The following ZSWIM8 variants were observed in gnomAD, a reference collection of about 807,000 sequenced individuals.
The protein encoded by ZSWIM8 is zinc finger SWIM domain-containing protein 8.
In ZSWIM8, 27 loss-of-function variants were observed where a neutral mutation model predicts 173.7. The observed-to-expected ratio is 0.16, with a 90% CI of 0.11 to 0.21. The LOEUF is 0.21. Ranked by LOEUF, ZSWIM8 falls within the 10% of genes least tolerant of loss-of-function variation. The pLI, the probability that ZSWIM8 is intolerant of heterozygous loss-of-function variation, is 1.00. For synonymous variants in ZSWIM8, 958 were observed against 962.0 expected, an observed-to-expected ratio of 1.00 and a Z score of 0.08; for missense variants, 1,627 against 2,428.8, an observed-to-expected ratio of 0.67 and a Z score of 6.94.
Position 73,791,243 on chromosome 10 carries a change from C to T in ZSWIM8, c.1143+67C>T. On this transcript the variant is annotated intron_variant, in intron 8 of 25. Transcript: ENST00000604729. The surrounding 1 kb of genome is among the most constrained non-coding windows in gnomAD (Gnocchi z 6.0). ...TTCCCTCCCCCTGCCTCATCCTCCTCTTGCTGAAATGGACTCTGGGAGGGC... is the reference window on the plus strand; with the variant it reads ...TTCCCTCCCCCTGCCTCATCCTCCTTTTGCTGAAATGGACTCTGGGAGGGC... 1 of 1,569,492 alleles carries T rather than the reference C, an allele frequency of 6.4e-7. No homozygotes were observed.
Position 73,792,250 on chromosome 10 carries a change from G to A in ZSWIM8, c.1711G>A (p.Gly571Arg), listed in dbSNP as rs2083443105. ...RGPRRLSAEG[G>R]DKALHKMGPG... is the part of the protein sequence containing the mutation. ...TCCCCGCCGCCTCTCAGCTGAAGGG[G>A]GAGATAAAGCTCTACATAAGATGGG... Residue 571 changes from glycine to arginine, a missense_variant, in exon 10 of 26, where the codon GGA becomes AGA. Around this residue, in one of 18 missense-constraint regions of ZSWIM8, gnomAD observed 383 missense variants for 394.8 expected, o/e 0.97. Transcript: ENST00000604729. This position sits in a 1 kb window ranked among gnomAD's most constrained non-coding sequence, Gnocchi z 4.3. 10 of 1,575,454 alleles carry A rather than the reference G, an allele frequency of 6.3e-6. No individual in the cohort carries two copies. Among genetic ancestry groups the A allele is most frequent in the African/African-American group, 1.4e-5 (1 of 73,760 alleles).
chr10:73,799,385 G>A lies in ZSWIM8; in HGVS notation c.4560G>A (p.Leu1520=). 6.2e-7 allele frequency: 1 copy of A among 1,611,904 alleles called. No homozygotes were observed. Residue 1520 remains leucine, a synonymous_variant, in exon 21 of 26, where the codon CTG becomes CTA. Coordinates refer to ENST00000604729, the MANE Select transcript of ZSWIM8 (RefSeq NM_001367799.1). ...LHPYTALQPH[L]PCSPQYLTHP... ...CCTACACTGCTCTACAGCCCCACCTGCCCTGTAGCCCTCAGTATCTCACTC... is the reference window on the plus strand; with the variant it reads ...CCTACACTGCTCTACAGCCCCACCTACCCTGTAGCCCTCAGTATCTCACTC...
At position 73,792,241 on chromosome 10, in the gene ZSWIM8, G is replaced by C. The variant is rs1379329852; in HGVS notation, c.1702G>C (p.Ala568Pro). Residue 568 changes from alanine (A) to proline (P), a missense_variant, in exon 10 of 26, where the codon GCT becomes CCT. Coordinates refer to ENST00000604729, the MANE Select transcript of ZSWIM8 (RefSeq NM_001367799.1). This position sits in a 1 kb window ranked among gnomAD's most constrained non-coding sequence, Gnocchi z 4.3. Reference sequence around the variant, plus strand: ...ACAGCGGGGTCCCCGCCGCCTCTCAGCTGAAGGGGGAGATAAAGCTCTACA... The same window carrying C: ...ACAGCGGGGTCCCCGCCGCCTCTCACCTGAAGGGGGAGATAAAGCTCTACA... ...SSQRGPRRLSAEGGDKALHKM... is the reference protein window; with the variant it reads ...SSQRGPRRLSPEGGDKALHKM... The C allele has an allele frequency of 6.4e-7, 1 of 1,568,832 alleles. No homozygotes were observed. Among genetic ancestry groups the C allele is most frequent in the East Asian group, 2.3e-5 (1 of 44,400 alleles).
At chr10:73,799,980 G>C in intron 21 of ZSWIM8, 31 bp from the exon 22 acceptor site, 1 of 1,605,172 alleles carries the variant, frequency 6.2e-7, no homozygotes, top group Non-Finnish European at 8.5e-7. Flanking sequence ...ATCAAGTTTG[G>C]CATCTTCCCC....
intron 12 of ZSWIM8, 45 bp from the exon 13 acceptor site, chr10:73,794,102 C>T: frequency 2.5e-6 from 4 of 1,611,874 alleles, no homozygotes; most frequent in Non-Finnish European, 3.4e-6. Context: ...GCACCTTGAT[C>T]TCTATTGACA....
rs1355614938 is a variant in ZSWIM8 at position 73,790,693 on chromosome 10, A to T, written c.942-282A>T. Among the ~76,000 whole-genome samples the T allele has an allele frequency of 5.3e-5, 8 of 152,294 alleles. No homozygotes were observed. In the East Asian group the frequency reaches 1.5e-3, roughly 29 times the overall value. ...GCGAATCTCCATCTCTACTAAAAAAACAAAAATTAGCCAGGCGTGGTGGCG... is the reference window on the plus strand; with the variant it reads ...GCGAATCTCCATCTCTACTAAAAAATCAAAAATTAGCCAGGCGTGGTGGCG... On this transcript the variant is annotated intron_variant, in intron 7 of 25. Coordinates refer to ENST00000604729, the MANE Select transcript of ZSWIM8 (RefSeq NM_001367799.1).
rs745522291 is a variant in ZSWIM8, at chr10:73,789,897, A to G, written c.739-59A>G. 1.3e-6 allele frequency: 2 copies of G among 1,589,254 alleles called. No individual in the cohort carries two copies. Among genetic ancestry groups the G allele is most frequent in the Admixed American group, 1.8e-5 (1 of 56,724 alleles). The stretch of plus-strand genomic sequence containing the variant: ...GCATAACAGCCTTCCTGTTAGGCCC[A>G]GGCCTCCATGGGTTCACCTAGGCCG... On this transcript the variant is annotated intron_variant, in intron 5 of 25. Coordinates refer to ENST00000604729, the MANE Select transcript of ZSWIM8 (RefSeq NM_001367799.1). This position sits in a 1 kb window ranked among gnomAD's most constrained non-coding sequence, Gnocchi z 6.8.
Position 73,791,451 on chromosome 10 carries a change from T to A in ZSWIM8, c.1271T>A (p.Val424Asp). ...HACASMCDEMVTLWRLAVLDP... is the reference protein window; with the variant it reads ...HACASMCDEMDTLWRLAVLDP... ...TGTGCCAGCATGTGTGACGAGATGG[T>A]CACACTGTGGAGGCTGGCCGTGCTG... The change falls in exon 9 of 26, where the codon GTC becomes GAC. Residue 424 changes from valine (V) to aspartate (D), a missense_variant. Physicochemically the swap from Val to Asp is radical, Grantham distance 152. Transcript: ENST00000604729. The surrounding 1 kb of genome is among the most constrained non-coding windows in gnomAD (Gnocchi z 6.0). 1 of 1,613,260 alleles carries A rather than the reference T, an allele frequency of 6.2e-7. No individual in the cohort carries two copies.
Position 73,800,383 on chromosome 10 carries a change from G to T in ZSWIM8, c.4913G>T (p.Ser1638Ile), listed in dbSNP as rs201698838. Residue 1638 changes from serine to isoleucine, a missense_variant, in exon 23 of 26, where the codon AGC becomes ATC. Coordinates refer to ENST00000604729, the MANE Select transcript of ZSWIM8 (RefSeq NM_001367799.1). The surrounding 1 kb of genome is among the most constrained non-coding windows in gnomAD (Gnocchi z 4.1). The part of the protein sequence containing the change: ...ALTTQPSPLV[S>I]GGFPPPEEET... ...ACCACACAGCCCAGCCCTCTGGTGA[G>T]CGGAGGTTTTCCACCGCCCGAGGAG... 3.3e-4 allele frequency: 539 copies of T among 1,613,894 alleles called. No homozygotes were observed. The highest frequency in any genetic ancestry group is 4.2e-4 in the Non-Finnish European group (491 of 1,179,874).
rs994786144 is a variant in ZSWIM8 at position 73,801,645 on chromosome 10, A to T, written c.*126A>T. On this transcript the variant is annotated 3_prime_UTR_variant, in exon 26 of 26. Coordinates refer to ENST00000604729, the MANE Select transcript of ZSWIM8 (RefSeq NM_001367799.1). This position sits in a 1 kb window ranked among gnomAD's most constrained non-coding sequence, Gnocchi z 4.9. ...CAGTTCCCTGGTAGCACAGACTGAC[A>T]GCTGCTCTTGGGCTATAGCTTGGGG... The T allele has an allele frequency of 6.5e-7, 1 of 1,536,708 alleles. No individual in the cohort carries two copies. Among genetic ancestry groups the T allele is most frequent in the Non-Finnish European group, 8.7e-7 (1 of 1,146,988 alleles).
intron 2 of ZSWIM8, 47 bp downstream of exon 2, chr10:73,788,870 C>A: frequency 6.2e-7 from 1 of 1,605,984 alleles, no homozygotes; most frequent in South Asian, 1.1e-5. Flanking sequence ...TGATACTCCA[C>A]ACTGTCTGCT....
rs748330613 is a variant in ZSWIM8, at chr10:73,786,129, G to A, written c.208+43G>A. 2.0e-6 allele frequency: 3 copies of A among 1,491,514 alleles called. No individual in the cohort carries two copies. In the South Asian group the frequency reaches 3.9e-5, roughly 19 times the overall value. 92.4% of individuals were successfully genotyped at this position (1,491,514 alleles called of 1,614,324 possible). On this transcript the variant is annotated intron_variant, in intron 1 of 25. Coordinates refer to ENST00000604729, the MANE Select transcript of ZSWIM8 (RefSeq NM_001367799.1). ...GGAAGAGGAGCGGCAGGCCCTGCTT[G>A]GGCCTCGCTCGGGAGCTGTCCGGGA...
rs779411270 is a variant in ZSWIM8, at chr10:73,801,153, C to A, written c.5259C>A (p.Ala1753=). The A allele has an allele frequency of 6.9e-6, 11 of 1,596,068 alleles. No individual in the cohort carries two copies. In the South Asian group the frequency reaches 1.1e-4, roughly 16 times the overall value. ...CCCACAACCACCTGCGTGCCCCGGC[C>A]TTCCACCAACTGGTGCAGCGCTGCC... The part of the protein sequence containing the change: ...AHAHNHLRAP[A]FHQLVQRCQQ... The change falls in exon 25 of 26, where the codon GCC becomes GCA. Residue 1753 remains alanine, a synonymous_variant. Transcript: ENST00000604729. The surrounding 1 kb of genome is among the most constrained non-coding windows in gnomAD (Gnocchi z 4.9).
chr10:73,794,587 C>T lies in ZSWIM8; in HGVS notation c.2856C>T (p.Ser952=), dbSNP rs981629531. The change falls in exon 14 of 26, where the codon AGC becomes AGT. Residue 952 remains serine, a synonymous_variant. Transcript: ENST00000604729. ...GGCCCCCAAGTCGCAACTGGAACAG[C>T]GAGACACCTGGGGATGAGGAGCTTG... ...GSRPPSRNWN[S]ETPGDEELGF... 4.5e-6 allele frequency: 7 copies of T among 1,559,364 alleles called. No individual in the cohort carries two copies. The highest frequency in any genetic ancestry group is 5.2e-6 in the Non-Finnish European group (6 of 1,150,928).
chr10:73,786,106 A>G lies in ZSWIM8; in HGVS notation c.208+20A>G. 1 of 1,530,810 alleles carries G rather than the reference A, an allele frequency of 6.5e-7. No individual in the cohort carries two copies. 94.8% of individuals were successfully genotyped at this position (1,530,810 alleles called of 1,614,324 possible). A position where few individuals can be genotyped will look rare whatever the true frequency, so the allele number is the denominator to read the frequency against. On this transcript the variant is annotated intron_variant, in intron 1 of 25. Transcript: ENST00000604729. ...TGCGAGGTGAGAGTGAGCTGGGGGG[A>G]AGAGGAGCGGCAGGCCCTGCTTGGG...
Position 73,793,784 on chromosome 10 carries a change from C to T in ZSWIM8, c.2445+65C>T, listed in dbSNP as rs193016906. 1.9e-3 allele frequency: 2,978 copies of T among 1,552,474 alleles called. 9 individuals are homozygous for T. Among genetic ancestry groups the T allele is most frequent in the Middle Eastern group, 5.0e-3 (27 of 5,452 alleles). On this transcript the variant is annotated intron_variant, in intron 11 of 25. Coordinates refer to ENST00000604729, the MANE Select transcript of ZSWIM8 (RefSeq NM_001367799.1). ...ACCCCCAACCTGCTCCCATGCCCCA[C>T]CCCAAGTGAGAGCATCCTTCTACCT...
chr10:73,787,878 A>T (rs1180536597), intron 1 of ZSWIM8, among the ~76,000 whole-genome samples: 1 of 150,200 alleles, frequency 6.7e-6, no homozygotes, highest in Non-Finnish European at 1.5e-5. Flanking sequence ...AAATCAAAAA[A>T]ATAAAATAAA....
In ZSWIM8 at chr10:73,791,599, G is replaced by T; in HGVS notation, c.1319+100G>T. The stretch of plus-strand genomic sequence containing the variant: ...TTTGCAGAGACATACCATGATTTTA[G>T]TCCTCGGGAAACGGGAGGTGCTGAG... On this transcript the variant is annotated intron_variant, in intron 9 of 25. Coordinates refer to ENST00000604729, the MANE Select transcript of ZSWIM8 (RefSeq NM_001367799.1). This position sits in a 1 kb window ranked among gnomAD's most constrained non-coding sequence, Gnocchi z 6.0. 1 of 1,360,862 alleles carries T rather than the reference G, an allele frequency of 7.3e-7. No individual in the cohort carries two copies. The highest frequency in any genetic ancestry group is 1.6e-5 in the South Asian group (1 of 64,370). 84.3% of individuals were successfully genotyped at this position (1,360,862 alleles called of 1,614,324 possible).
Position 73,798,341 on chromosome 10 carries a change from G to A in ZSWIM8, c.4064G>A (p.Arg1355Lys), listed in dbSNP as rs758053087. 8 of 1,613,948 alleles carry A rather than the reference G, an allele frequency of 5.0e-6. No homozygotes were observed. The highest frequency in any genetic ancestry group is 2.5e-6 in the Non-Finnish European group (3 of 1,179,908). Residue 1355 changes from arginine to lysine, a missense_variant, in exon 20 of 26, where the codon AGA becomes AAA. Arg to Lys is a conservative substitution (Grantham distance 26, BLOSUM62 2). Coordinates refer to ENST00000604729, the MANE Select transcript of ZSWIM8 (RefSeq NM_001367799.1). ...CTGGCTGACAGGGCATCACGGGCAA[G>A]AGACTCCAATATGGTGAGGGCGGCA... ...ASLADRASRA[R>K]DSNMVRAAAE...
Sources: allele counts gnomAD v4.1 joint callset (sites outside exome capture counted in the v4.1 genomes callset), GRCh38; gene constraint gnomAD v4.1.1; regional missense constraint gnomAD v4.1.1; non-coding constraint Gnocchi (gnomAD v3.1); transcripts MANE v1.5; gene names NCBI Gene and HGNC (gene_info 2026-07-23, HGNC 2026-07-21).